The following SI variants were observed in gnomAD, a reference collection of about 807,000 sequenced individuals.
The protein encoded by SI is sucrase-isomaltase, intestinal.
In SI, 235 loss-of-function variants were observed where a neutral mutation model predicts 253.3. The observed-to-expected ratio is 0.93, with a 90% CI of 0.83 to 1.03. The LOEUF is 1.03. Among genes scored for constraint, SI ranks in the 50% least tolerant of loss-of-function variants. SI has a pLI of 0.00. For synonymous variants in SI, 819 were observed against 712.0 expected (o/e 1.15, Z -2.39); for missense variants, 2,442 against 2,211.1 (o/e 1.10, Z -2.09).
rs1238173016 is a variant in SI, at chr3:165,006,848, G to T, written c.4374C>A (p.Leu1458=). The T allele has an allele frequency of 1.2e-6, 2 of 1,612,600 alleles. No individual in the cohort carries two copies. Among genetic ancestry groups the T allele is most frequent in the Non-Finnish European group, 1.7e-6 (2 of 1,178,984 alleles). The change falls in exon 37 of 48, where the codon CTC becomes CTA. Residue 1458 remains leucine (L), a synonymous_variant. Coordinates refer to ENST00000264382, the MANE Select transcript of SI (RefSeq NM_001041.4). The stretch of plus-strand genomic sequence containing the variant: ...TAGGTTTCATCTGTGACCATCCATA[G>T]AGATTGTGAACATCGTAATGCAAAA... ...TSVLHYDVHN[L]YGWSQMKPTH...
chr3:165,068,993 ATTT>A, intron 4 of SI, 82 bp downstream of exon 4: 1 of 1,080,150 alleles, frequency 9.3e-7, no homozygotes, highest in Non-Finnish European at 1.4e-6. Flanking sequence ...CATATTTCTT[ATTT>A]GATTCTATTT....
At chr3:165,078,776 T>C (rs551993448), upstream of SI, among the ~76,000 whole-genome samples, 5 of 151,746 alleles carry the variant, frequency 3.3e-5, no homozygotes, top group South Asian at 1.0e-3. Context: ...TATATTTATT[T>C]TATATTTGGA....
chr3:165,004,908 CTGG>C (rs1718429144), intron 37 of SI, among the ~76,000 whole-genome samples: 1 of 152,062 alleles, frequency 6.6e-6, no homozygotes, highest in Non-Finnish European at 1.5e-5. Flanking sequence ...AGGGAGCGAC[CTGG>C]TGGGAGGTGA....
intron 43 of SI, 147 bp downstream of exon 43, chr3:164,992,030 C>A: frequency 1.4e-6 from 1 of 730,526 alleles, no homozygotes; most frequent in South Asian, 1.6e-5. Flanking sequence ...TGGATTAATT[C>A]AATTCAGCTA....
At chr3:165,017,456 C>T in intron 31 of SI, 92 bp downstream of exon 31, 3 of 1,266,272 alleles carry the variant, frequency 2.4e-6, no homozygotes, top group Non-Finnish European at 2.2e-6. Flanking sequence ...GCATTATTAC[C>T]AGCTGCTTAA....
intron 34 of SI, among the ~76,000 whole-genome samples, chr3:165,009,698 CT>C (rs2108160434): frequency 6.6e-6 from 1 of 152,178 alleles, no homozygotes; most frequent in Admixed American, 6.5e-5. Context: ...CTTTTTTTCT[CT>C]GTTACTGCAG....
intron 40 of SI, among the ~76,000 whole-genome samples, chr3:164,995,940 C>T (rs1446701864): frequency 6.6e-6 from 1 of 151,710 alleles, no homozygotes. Flanking sequence ...TTGATTCATG[C>T]TCTACTTTCC....
In SI at chr3:165,023,606, C is replaced by T. The variant is rs201835284; in HGVS notation, c.3063G>A (p.Glu1021=). The part of the protein sequence containing the change: ...PSDPISTLRV[E]VKYHKNDMLQ... ...ACATATCATTTTTGTGATATTTCAC[C>T]TCCACACGAAGAGTTGAGATGGGGT... is the stretch of plus-strand genomic sequence containing the variant. The change falls in exon 26 of 48, where the codon GAG becomes GAA. Residue 1021 remains glutamate (E), a synonymous_variant. Coordinates refer to ENST00000264382, the MANE Select transcript of SI (RefSeq NM_001041.4). The T allele has an allele frequency of 5.0e-6, 8 of 1,610,476 alleles. No homozygotes were observed. In the South Asian group the frequency reaches 6.6e-5, roughly 13 times the overall value.
intron 37 of SI, among the ~76,000 whole-genome samples, chr3:164,999,824 C>T (rs1435042867): frequency 6.6e-6 from 1 of 151,594 alleles, no homozygotes; most frequent in Non-Finnish European, 1.5e-5. Context: ...ACAGACATAA[C>T]ATATTGAACC....
intron 4 of SI, 119 bp from the exon 5 acceptor site, chr3:165,068,950 T>C (rs975887428): frequency 1.0e-5 from 10 of 993,174 alleles, no homozygotes; most frequent in Middle Eastern, 2.7e-4. Flanking sequence ...GTTACAATCA[T>C]GCAAAAATAA....
chr3:165,033,328 T>C, intron 23 of SI, 67 bp downstream of exon 23: 2 of 1,390,356 alleles, frequency 1.4e-6, no homozygotes, highest in Non-Finnish European at 1.9e-6. Flanking sequence ...AAAAAATTTA[T>C]CATAAAAGAA....
intron 44 of SI, among the ~76,000 whole-genome samples, chr3:164,990,464 T>C (rs1299115202): frequency 6.6e-6 from 1 of 152,168 alleles, no homozygotes; most frequent in African/African-American, 2.4e-5. Context: ...TAAGAGGGAA[T>C]ATCCTGTTGG....
intron 14 of SI, 27 bp from the exon 15 acceptor site, chr3:165,049,271 T>G: frequency 8.2e-7 from 1 of 1,219,746 alleles, no homozygotes; most frequent in African/African-American, 1.5e-5. Context: ...AAGAAACATT[T>G]CTTATATTTT....
rs1255290751 is a variant in SI at position 165,074,524 on chromosome 3, T to A, written c.255+7A>T. 6.3e-7 allele frequency: 1 copy of A among 1,592,118 alleles called. No individual in the cohort carries two copies. The highest frequency in any genetic ancestry group is 8.6e-7 in the Non-Finnish European group (1 of 1,166,024). Reference sequence around the variant, plus strand: ...CATTAAAAATATTAAAGACTTTTGCTGCAGACCTCTGTTGGGAATTGTTCT... The same window carrying A: ...CATTAAAAATATTAAAGACTTTTGCAGCAGACCTCTGTTGGGAATTGTTCT... On this transcript the variant is annotated splice_region_variant and intron_variant, in intron 3 of 47. Coordinates refer to ENST00000264382, the MANE Select transcript of SI (RefSeq NM_001041.4).
intron 20 of SI, 51 bp from the exon 21 acceptor site, chr3:165,038,075 C>A (rs377183857): frequency 1.3e-6 from 2 of 1,490,670 alleles, no homozygotes; most frequent in South Asian, 2.3e-5. Context: ...AGACTTTAAA[C>A]TCTATTTCAC....
rs141389951 is a variant in SI, at chr3:165,021,270, A to G, written c.3213T>C (p.Pro1071=). 37 of 1,611,516 alleles carry G rather than the reference A, an allele frequency of 2.3e-5. No homozygotes were observed. The African/African-American group carries it at 4.8e-4, about 21-fold the overall frequency. ...RLYDVEIKEN[P]FGIQIRRRSS... ...TTCTCCGTCGAATCTGGATGCCAAA[A>G]GGATTTTCCTTGATTTCCACATCAT... is the stretch of plus-strand genomic sequence containing the variant. Residue 1071 remains proline (P), a synonymous_variant, in exon 27 of 48, where the codon CCT becomes CCC. Transcript: ENST00000264382.
At chr3:165,060,113 C>G (rs983162315) in intron 9 of SI, 86 bp from the exon 10 acceptor site, 1 of 1,124,550 alleles carries the variant, frequency 8.9e-7, no homozygotes, top group Non-Finnish European at 1.3e-6. Context: ...CTCTTATTTT[C>G]TTATATCTCT....
intron 41 of SI, among the ~76,000 whole-genome samples, chr3:164,993,402 G>T (rs76385959): frequency 0.14 from 20,451 of 151,484 alleles, 1,547 homozygotes; most frequent in African/African-American, 0.19. Flanking sequence ...AAACTGGATC[G>T]CTTATCCTAT....
the SI span, among the ~76,000 whole-genome samples, chr3:165,086,291 G>T: frequency 2.0e-5 from 3 of 152,100 alleles, 1 homozygote; most frequent in East Asian, 3.9e-4. Context: ...AAAAATCCAT[G>T]TTACATGTCA....
Sources: gnomAD v4.1 joint callset for allele counts (sites outside exome capture counted in the v4.1 genomes callset) on GRCh38, gnomAD v4.1.1 for gene constraint, MANE v1.5 for transcripts, NCBI Gene and HGNC (gene_info 2026-07-23, HGNC 2026-07-21) for gene names.